The following CSMD1 variants were observed in gnomAD, a reference collection of about 807,000 sequenced individuals.
The protein encoded by CSMD1 is CUB and Sushi multiple domains 1.
Under a neutral mutation model 417.5 loss-of-function variants are expected in CSMD1, and 213 were observed. The ratio of observed to expected loss-of-function variants is 0.51; its 90% CI spans 0.46 to 0.57. The LOEUF (loss-of-function observed/expected upper bound fraction) is 0.57. Among genes scored for constraint, CSMD1 ranks in the 20% least tolerant of loss-of-function variants. The pLI, the probability that CSMD1 is intolerant of heterozygous loss-of-function variation, is 0.00. For synonymous variants in CSMD1, 2,862 were observed against 1,736.8 expected (o/e 1.65, Z -16.11); for missense variants, 6,923 against 4,529.7 (o/e 1.53, Z -15.17).
At chr8:3,484,422 A>C (rs1032958354) in intron 11 of CSMD1, among the ~76,000 whole-genome samples, 2 of 152,212 alleles carry the variant, frequency 1.3e-5, no homozygotes, top group Admixed American at 1.3e-4. Flanking sequence ...CTCATGCCAT[A>C]TACAAAAACT....
At chr8:3,292,649 C>T (rs1803665672) in intron 25 of CSMD1, among the ~76,000 whole-genome samples, 3 of 152,090 alleles carry the variant, frequency 2.0e-5, no homozygotes, top group South Asian at 4.2e-4. Flanking sequence ...AGGATGGCAA[C>T]CCCTGCCTTT....
rs1302984761 is a variant in CSMD1, at chr8:4,117,973, C to G, written c.416-85874G>C. On this transcript the variant is annotated intron_variant, in intron 3 of 69. Coordinates refer to ENST00000635120, the MANE Select transcript of CSMD1 (RefSeq NM_033225.6). ...TAGGAAAAAAAAAAAAAGCAGTGTA[C>G]AAAGGACAAGAGCAGGCACATGAGA... Among the ~76,000 whole-genome samples the G allele has an allele frequency of 4.9e-5, 7 of 144,210 alleles. 1 individual carries two copies. The South Asian group carries it at 1.1e-3, about 22-fold the overall frequency. The allele number at this position is 144,210 out of a possible 152,430, so 94.6% of individuals were successfully genotyped here. A position where few individuals can be genotyped will look rare whatever the true frequency, so the allele number is the denominator to read the frequency against.
intron 3 of CSMD1, among the ~76,000 whole-genome samples, chr8:4,052,252 G>A (rs1157070912): frequency 6.6e-6 from 1 of 152,140 alleles, no homozygotes; most frequent in Non-Finnish European, 1.5e-5. Context: ...GAGAGGGTGG[G>A]AGTCCAGACA....
chr8:3,889,343 G>A (rs1806783900), intron 5 of CSMD1, among the ~76,000 whole-genome samples: 1 of 149,896 alleles, frequency 6.7e-6, no homozygotes, highest in East Asian at 2.0e-4. Context: ...CATGTCTTAT[G>A]GTACTAAAAC....
At chr8:4,374,782 T>G (rs1802616293) in intron 3 of CSMD1, among the ~76,000 whole-genome samples, 1 of 152,038 alleles carries the variant, frequency 6.6e-6, no homozygotes, top group Non-Finnish European at 1.5e-5. Flanking sequence ...GGCCACCTGC[T>G]CTAGGATGGC....
At chr8:3,450,879 G>T (rs1274200923) in intron 12 of CSMD1, among the ~76,000 whole-genome samples, 1 of 151,778 alleles carries the variant, frequency 6.6e-6, no homozygotes, top group African/African-American at 2.4e-5. Context: ...AGATCCCTGA[G>T]GAATCGCCAC....
In CSMD1 at chr8:4,143,912, G is replaced by C. The variant is rs375979898; in HGVS notation, c.416-111813C>G. 6.0e-5 allele frequency among the ~76,000 whole-genome samples: 9 copies of C among 151,204 alleles called. No homozygotes were observed. The South Asian group carries it at 6.2e-4, about 10-fold the overall frequency. On this transcript the variant is annotated intron_variant, in intron 3 of 69. Coordinates refer to ENST00000635120, the MANE Select transcript of CSMD1 (RefSeq NM_033225.6). ...TTGGTCCCTGGCTAATTAAAGGCTG[G>C]GGTGAATTGGCCCGTGTTGCAGATG...
intron 1 of CSMD1, among the ~76,000 whole-genome samples, chr8:4,863,943 T>C (rs755873023): frequency 1.3e-5 from 1 of 78,676 alleles, no homozygotes; most frequent in African/African-American, 5.2e-5. Context: ...AAATAAATCC[T>C]AAAATAAATG....
intron 12 of CSMD1, among the ~76,000 whole-genome samples, chr8:3,466,716 C>T (rs1351668033): frequency 6.6e-6 from 1 of 151,740 alleles, no homozygotes; most frequent in Non-Finnish European, 1.5e-5. Context: ...GGTGTCAGCC[C>T]CCCTGCCCGG....
intron 1 of CSMD1, among the ~76,000 whole-genome samples, chr8:4,681,317 A>G (rs1455959571): frequency 6.6e-6 from 1 of 152,140 alleles, no homozygotes; most frequent in Non-Finnish European, 1.5e-5. Flanking sequence ...AAGAGGTAGT[A>G]CAATATCTGA....
intron 3 of CSMD1, among the ~76,000 whole-genome samples, chr8:4,247,231 G>A (rs769963506): frequency 6.6e-6 from 1 of 152,106 alleles, no homozygotes; most frequent in Non-Finnish European, 1.5e-5. Context: ...AGCGAGAAAG[G>A]GACCCTCAAG....
intron 20 of CSMD1, among the ~76,000 whole-genome samples, chr8:3,361,980 A>G (rs930838520): frequency 6.6e-6 from 1 of 152,204 alleles, no homozygotes; most frequent in Non-Finnish European, 1.5e-5. Context: ...GTGCATGTTC[A>G]TCTTTGTCTA....
chr8:4,064,720 T>TA (rs1449735497), intron 3 of CSMD1, among the ~76,000 whole-genome samples: 3 of 152,188 alleles, frequency 2.0e-5, no homozygotes, highest in Non-Finnish European at 4.4e-5. Flanking sequence ...CCAGTATCCG[T>TA]ACTCAACCTT....
At chr8:4,429,628 A>C in intron 2 of CSMD1, among the ~76,000 whole-genome samples, 1 of 152,088 alleles carries the variant, frequency 6.6e-6, no homozygotes, top group Middle Eastern at 3.4e-3. Context: ...CCAGAGAGAG[A>C]AACGAATGCA....
At chr8:4,205,182 T>A (rs1372062106) in intron 3 of CSMD1, among the ~76,000 whole-genome samples, 2 of 152,240 alleles carry the variant, frequency 1.3e-5, no homozygotes, top group Admixed American at 1.3e-4. Context: ...TGAAGAAACA[T>A]CTGATTTAAA....
chr8:4,603,107 G>C (rs956932489), intron 2 of CSMD1, among the ~76,000 whole-genome samples: 3 of 151,900 alleles, frequency 2.0e-5, no homozygotes, highest in African/African-American at 4.8e-5. Flanking sequence ...TATATGATGA[G>C]AATAGTTTTG....
chr8:3,604,658 A>C (rs997875236), intron 8 of CSMD1, among the ~76,000 whole-genome samples: 2 of 152,188 alleles, frequency 1.3e-5, no homozygotes, highest in African/African-American at 4.8e-5. Context: ...AGCAGGTGGA[A>C]ATACAGGAGG....
chr8:3,826,037 C>A (rs1163231173), intron 5 of CSMD1, among the ~76,000 whole-genome samples: 2 of 152,154 alleles, frequency 1.3e-5, no homozygotes, highest in Non-Finnish European at 1.5e-5. Flanking sequence ...AACGTGTTGT[C>A]TTTCAAATGG....
chr8:4,559,077 A>T (rs1798216732), intron 2 of CSMD1, among the ~76,000 whole-genome samples: 1 of 152,164 alleles, frequency 6.6e-6, no homozygotes, highest in East Asian at 1.9e-4. Flanking sequence ...AGTTATGAAC[A>T]GTGAAAACTC....
Sources: gnomAD v4.1 joint callset for allele counts (sites outside exome capture counted in the v4.1 genomes callset) on GRCh38, gnomAD v4.1.1 for gene constraint, MANE v1.5 for transcripts, NCBI Gene and HGNC (gene_info 2026-07-23, HGNC 2026-07-21) for gene names.